Variants in WWOX observed in about 807,000 individuals in gnomAD.
The protein encoded by WWOX is WW domain-containing oxidoreductase.
Under a neutral mutation model 46.2 loss-of-function variants are expected in WWOX, and 69 were observed. The observed-to-expected ratio is 1.49, with a 90% CI of 1.23 to 1.82. The LOEUF (loss-of-function observed/expected upper bound fraction) is 1.82, where lower values mean the gene tolerates loss of function less well. WWOX is among the 40% of genes most tolerant of loss of function. WWOX has a pLI of 0.00. For synonymous variants in WWOX, 359 were observed against 202.6 expected (o/e 1.77, Z -6.56); for missense variants, 919 against 542.6 (o/e 1.69, Z -6.89).
chr16:78,865,919 C>G (rs369861113), intron 8 of WWOX, among the ~76,000 whole-genome samples: 10 of 152,246 alleles, frequency 6.6e-5, no homozygotes, highest in African/African-American at 2.4e-4. Context: ...GTGATAGTTA[C>G]TCAACAAATC....
At chr16:79,012,901 C>A (rs137958274) in intron 8 of WWOX, among the ~76,000 whole-genome samples, 20 of 152,306 alleles carry the variant, frequency 1.3e-4, no homozygotes, top group Admixed American at 1.0e-3. Flanking sequence ...AAAGAAAATG[C>A]CACCAGCAGG....
chr16:78,131,899 T>TC (rs1043357472), intron 4 of WWOX, among the ~76,000 whole-genome samples: 3 of 151,166 alleles, frequency 2.0e-5, no homozygotes, highest in African/African-American at 4.9e-5. Flanking sequence ...TTTTTTTTTT[T>TC]CATACTTGAG....
intron 8 of WWOX, among the ~76,000 whole-genome samples, chr16:78,509,672 A>G (rs953788038): frequency 6.6e-6 from 1 of 152,206 alleles, no homozygotes; most frequent in African/African-American, 2.4e-5. Context: ...CCACGGAAAC[A>G]GGCAAAAACT....
At chr16:78,783,208 A>C (rs1792097521) in intron 8 of WWOX, among the ~76,000 whole-genome samples, 1 of 152,252 alleles carries the variant, frequency 6.6e-6, no homozygotes, top group Non-Finnish European at 1.5e-5. Context: ...AGATACATGC[A>C]CCAGACTTGA....
At chr16:78,997,953 A>T (rs61629873) in intron 8 of WWOX, among the ~76,000 whole-genome samples, 1,874 of 152,010 alleles carry the variant, frequency 0.012, 35 homozygotes, top group African/African-American at 0.043. Context: ...CTCAGCTCAC[A>T]GCAATCTCTG....
Position 78,344,567 on chromosome 16 carries a change from G to A in WWOX, c.517-42293G>A, listed in dbSNP as rs1439837737. Among the ~76,000 whole-genome samples, 12 of 120,996 alleles carry A rather than the reference G, an allele frequency of 9.9e-5. 4 individuals are homozygous for A. The highest frequency in any genetic ancestry group is 7.2e-4 in the Admixed American group (9 of 12,504). 79.4% of individuals were successfully genotyped at this position (120,996 alleles called of 152,430 possible). ...GGGAATCTTTGCCTGTGACTCTATCGTGTGAATTAGCAGAGCTTGGCTATT... is the reference window on the plus strand; with the variant it reads ...GGGAATCTTTGCCTGTGACTCTATCATGTGAATTAGCAGAGCTTGGCTATT... On this transcript the variant is annotated intron_variant, in intron 5 of 8. Transcript: ENST00000566780.
intron 8 of WWOX, among the ~76,000 whole-genome samples, chr16:78,494,793 T>C (rs995630629): frequency 6.6e-6 from 1 of 152,338 alleles, no homozygotes; most frequent in East Asian, 1.9e-4. Context: ...GGTATGGCTT[T>C]TCCTGTAATT....
chr16:78,458,420 C>T (rs576654856), intron 8 of WWOX, among the ~76,000 whole-genome samples: 5 of 151,998 alleles, frequency 3.3e-5, no homozygotes, highest in East Asian at 3.9e-4. Flanking sequence ...CCACCATGTT[C>T]GGCTAATGTT....
At chr16:78,139,664 AAGT>A (rs1281376788) in intron 4 of WWOX, among the ~76,000 whole-genome samples, 6 of 152,064 alleles carry the variant, frequency 3.9e-5, no homozygotes, top group African/African-American at 1.4e-4. Flanking sequence ...AAATAAATAA[AAGT>A]AGAGAGTAAG....
chr16:78,755,048 G>C lies in WWOX; in HGVS notation c.1056+322296G>C, dbSNP rs1477258024. On this transcript the variant is annotated intron_variant, in intron 8 of 8. Coordinates refer to ENST00000566780, the MANE Select transcript of WWOX (RefSeq NM_016373.4). ...GAACATCACACACCGGGGCCTGTCT[G>C]GGGGTAGGGGGAAAGGGGAGGGAGA... Among the ~76,000 whole-genome samples, 2 of 151,582 alleles carry C rather than the reference G, an allele frequency of 1.3e-5. 1 individual carries two copies. The highest frequency in any genetic ancestry group is 4.2e-4 in the South Asian group (2 of 4,764).
intron 8 of WWOX, among the ~76,000 whole-genome samples, chr16:79,066,727 G>A (rs1000487264): frequency 1.1e-4 from 17 of 152,324 alleles, no homozygotes; most frequent in Middle Eastern, 6.8e-3. Context: ...CGCCTCAAGG[G>A]ACCACCTGCC....
chr16:78,773,261 C>T (rs1249098805), intron 8 of WWOX, among the ~76,000 whole-genome samples: 2 of 152,130 alleles, frequency 1.3e-5, no homozygotes, highest in African/African-American at 4.8e-5. Context: ...TCCGATTCCA[C>T]ACCCCATGTT....
chr16:78,794,575 C>G (rs2050689863), intron 8 of WWOX, among the ~76,000 whole-genome samples: 1 of 152,196 alleles, frequency 6.6e-6, no homozygotes. Context: ...CCTAATACCT[C>G]TTAGTGTTGC....
chr16:78,128,628 G>T (rs936258793), intron 4 of WWOX, among the ~76,000 whole-genome samples: 1 of 152,152 alleles, frequency 6.6e-6, no homozygotes, highest in Non-Finnish European at 1.5e-5. Flanking sequence ...AGAATTGCTG[G>T]CCACATCTTG....
At position 79,036,666 on chromosome 16, in the gene WWOX, G is replaced by T. The variant is rs72795613; in HGVS notation, c.1057-174942G>T. On this transcript the variant is annotated intron_variant, in intron 8 of 8. Transcript: ENST00000566780. ...CTCTCTGAAGCTCTGTTTTTGGAAG[G>T]ACTGTGAGGCTGTACCTGCACTTGA... 2.0e-3 allele frequency among the ~76,000 whole-genome samples: 312 copies of T among 152,292 alleles called. 2 individuals are homozygous for T. Among genetic ancestry groups the T allele is most frequent in the Non-Finnish European group, 2.9e-3 (194 of 68,026 alleles).
intron 8 of WWOX, among the ~76,000 whole-genome samples, chr16:79,154,777 C>G (rs1405085612): frequency 6.6e-6 from 1 of 152,096 alleles, no homozygotes; most frequent in Non-Finnish European, 1.5e-5. Flanking sequence ...CTGAAGATAA[C>G]CATTTTTTAG....
chr16:78,678,305 G>A (rs1048952463), intron 8 of WWOX, among the ~76,000 whole-genome samples: 1 of 152,210 alleles, frequency 6.6e-6, no homozygotes, highest in African/African-American at 2.4e-5. Flanking sequence ...GAGCCCAGGA[G>A]GTCAAGGCTG....
At chr16:78,216,280 A>G (rs1597362992) in intron 5 of WWOX, among the ~76,000 whole-genome samples, 1 of 152,236 alleles carries the variant, frequency 6.6e-6, no homozygotes, top group East Asian at 1.9e-4. Flanking sequence ...TAATTATTTT[A>G]AAGTAAATCA....
chr16:79,148,513 T>C (rs1567582440), intron 8 of WWOX, among the ~76,000 whole-genome samples: 1 of 152,214 alleles, frequency 6.6e-6, no homozygotes, highest in South Asian at 2.1e-4. Flanking sequence ...TCTCACTGTA[T>C]TCTTTTTTAT....
Sources: allele counts gnomAD v4.1 joint callset (sites outside exome capture counted in the v4.1 genomes callset), GRCh38; gene constraint gnomAD v4.1.1; transcripts MANE v1.5; gene names NCBI Gene and HGNC (gene_info 2026-07-23, HGNC 2026-07-21).